The following GYS2 variants were observed in gnomAD, a reference collection of about 807,000 sequenced individuals.
GYS2 encodes glycogen [starch] synthase, liver.
A neutral mutation model predicts 85.6 loss-of-function variants in GYS2; 80 were observed. That is an observed-to-expected ratio of 0.93 (90% confidence interval 0.78 to 1.13). GYS2 has a LOEUF of 1.13. GYS2 is among the 50% of genes most tolerant of loss of function. The pLI, the probability that GYS2 is intolerant of heterozygous loss-of-function variation, is 0.00. For missense variants in GYS2, 881 were observed against 854.9 expected (o/e 1.03, Z -0.38); for synonymous variants, 328 against 300.7 (o/e 1.09, Z -0.94).
chr12:21,601,045 A>G (rs1944750747), intron 1 of GYS2, among the ~76,000 whole-genome samples: 1 of 152,162 alleles, frequency 6.6e-6, no homozygotes, highest in African/African-American at 2.4e-5. Flanking sequence ...ATTAACTTTC[A>G]TTATGTGTGA....
chr12:21,596,157 A>G (rs1009151685), intron 1 of GYS2, among the ~76,000 whole-genome samples: 5 of 152,114 alleles, frequency 3.3e-5, no homozygotes, highest in Admixed American at 3.3e-4. Context: ...TGGATTCACA[A>G]CAGAATTCTA....
chr12:21,602,877 G>A (rs1245493700), intron 1 of GYS2, among the ~76,000 whole-genome samples: 1 of 152,002 alleles, frequency 6.6e-6, no homozygotes. Context: ...AAAGCAGAAG[G>A]GGCTCTGCTC....
At chr12:21,600,286 C>A (rs1944741178) in intron 1 of GYS2, among the ~76,000 whole-genome samples, 3 of 152,008 alleles carry the variant, frequency 2.0e-5, no homozygotes, top group Admixed American at 2.0e-4. Flanking sequence ...CCATGGCCAG[C>A]TAGAGAAATT....
chr12:21,569,182 T>C (rs1347198211), intron 4 of GYS2, among the ~76,000 whole-genome samples, 173 bp from the exon 5 acceptor site: 1 of 152,198 alleles, frequency 6.6e-6, no homozygotes, highest in Non-Finnish European at 1.5e-5. Flanking sequence ...ACATAAGGAA[T>C]TACACTTTAA....
At chr12:21,538,641 T>A (rs546729105) in intron 15 of GYS2, among the ~76,000 whole-genome samples, 1 of 152,268 alleles carries the variant, frequency 6.6e-6, no homozygotes, top group African/African-American at 2.4e-5. Flanking sequence ...GATGTTTAGC[T>A]CTTGGATTGC....
At chr12:21,546,552 G>C (rs1944042602) in intron 11 of GYS2, 82 bp from the exon 12 acceptor site, 1 of 837,598 alleles carries the variant, frequency 1.2e-6, no homozygotes, top group Non-Finnish European at 1.9e-6. Flanking sequence ...GGTTATTTCA[G>C]TACTCTACTA....
Position 21,580,438 on chromosome 12 carries a change from A to T in GYS2, c.207T>A (p.Tyr69Ter), listed in dbSNP as rs774656122. ...CCTGAGTCTTCATATTATGCTCAAA[A>T]TATGGACCTATCAGAAAATAGTTCT... ...WGENYFLIGP[Y>*]FEHNMKTQVE... The change falls in exon 2 of 16, where the codon TAT (tyrosine) becomes TAA (stop). Residue 69 changes from tyrosine to a stop codon, truncating the protein, a stop_gained. Transcript: ENST00000261195. LOFTEE classifies it high-confidence loss of function. 1 of 1,613,626 alleles carries T rather than the reference A, an allele frequency of 6.2e-7. No homozygotes were observed. The highest frequency in any genetic ancestry group is 1.7e-5 in the Admixed American group (1 of 60,008).
At chr12:21,569,356 A>G (rs1944359447) in intron 4 of GYS2, among the ~76,000 whole-genome samples, 1 of 152,202 alleles carries the variant, frequency 6.6e-6, no homozygotes, top group African/African-American at 2.4e-5. Flanking sequence ...GCCTTTCTCC[A>G]AAGTCTTTTA....
At chr12:21,554,986 T>C (rs2045869) in intron 11 of GYS2, among the ~76,000 whole-genome samples, 86,445 of 151,768 alleles carry the variant, frequency 0.57, 25,935 homozygotes, top group East Asian at 0.74. Flanking sequence ...GACCCATCCC[T>C]CCTTTTCCCA....
At chr12:21,574,620 G>T (rs963594261) in intron 3 of GYS2, among the ~76,000 whole-genome samples, 1 of 151,648 alleles carries the variant, frequency 6.6e-6, no homozygotes, top group Non-Finnish European at 1.5e-5. Context: ...TAAATAAATG[G>T]AATAAATGCA....
At chr12:21,544,381 T>G (rs774681756) in intron 12 of GYS2, among the ~76,000 whole-genome samples, 18 of 152,214 alleles carry the variant, frequency 1.2e-4, no homozygotes, top group Non-Finnish European at 2.2e-4. Context: ...CTCTATCATT[T>G]TGGGTTGTTA....
At chr12:21,581,629 A>C (rs747466941) in intron 1 of GYS2, among the ~76,000 whole-genome samples, 38 of 152,204 alleles carry the variant, frequency 2.5e-4, no homozygotes, top group Non-Finnish European at 3.8e-4. Context: ...TCTCTCCTCT[A>C]ATATTGCTGC....
At chr12:21,543,635 G>A (rs1185097857) in intron 12 of GYS2, among the ~76,000 whole-genome samples, 3 of 151,908 alleles carry the variant, frequency 2.0e-5, no homozygotes, top group South Asian at 2.1e-4. Context: ...GTGCAGGTTC[G>A]TTACATAGGT....
chr12:21,583,518 C>T (rs1000511108), intron 1 of GYS2, among the ~76,000 whole-genome samples: 1 of 152,184 alleles, frequency 6.6e-6, no homozygotes, highest in Non-Finnish European at 1.5e-5. Context: ...AGCTGCTATG[C>T]CACTTGGGCC....
At chr12:21,586,678 T>C (rs1055989423) in intron 1 of GYS2, among the ~76,000 whole-genome samples, 2 of 152,084 alleles carry the variant, frequency 1.3e-5, no homozygotes, top group African/African-American at 4.8e-5. Context: ...AAACAGCAGA[T>C]GTTGGTGAGG....
At chr12:21,572,993 A>G (rs1776496738) in intron 4 of GYS2, among the ~76,000 whole-genome samples, 1 of 152,154 alleles carries the variant, frequency 6.6e-6, no homozygotes, top group South Asian at 2.1e-4. Flanking sequence ...ATATACCGCT[A>G]AGAACCTCCC....
chr12:21,587,477 A>G (rs778761205), intron 1 of GYS2, among the ~76,000 whole-genome samples: 2 of 152,072 alleles, frequency 1.3e-5, no homozygotes, highest in Non-Finnish European at 2.9e-5. Context: ...TTCTTACAAG[A>G]TCTGATGGTT....
In GYS2 at chr12:21,536,301, A is replaced by C. The variant is rs1943909879; in HGVS notation, c.*653T>G. On this transcript the variant is annotated 3_prime_UTR_variant, in exon 16 of 16. Transcript: ENST00000261195. Reference sequence around the variant, plus strand: ...TATTTAAACAATAGAAAAATGTTACAGTAAGATGGTGGTACCATGTACATG... The same window carrying C: ...TATTTAAACAATAGAAAAATGTTACCGTAAGATGGTGGTACCATGTACATG... 6.6e-6 allele frequency: 1 copy of C among 152,294 alleles called. No homozygotes were observed. 9.4% of individuals were successfully genotyped at this position (152,294 alleles called of 1,614,324 possible). A position where few individuals can be genotyped will look rare whatever the true frequency, so the allele number is the denominator to read the frequency against.
rs148617918 is a variant in GYS2 at position 21,540,547 on chromosome 12, G to A, written c.1672C>T (p.Arg558Cys). ...YGIYIVDRRF[R>C]SPDDSCNQLT... Reference sequence around the variant, plus strand: ...TGATTGCAAGAATCATCTGGAGAACGGAACCGCCTGTCAACGATGTAAATA... The same window carrying A: ...TGATTGCAAGAATCATCTGGAGAACAGAACCGCCTGTCAACGATGTAAATA... The change falls in exon 14 of 16, where the codon CGT (arginine) becomes TGT (cysteine). Residue 558 changes from arginine (R) to cysteine (C), a missense_variant. By Grantham distance (180) the Arg-to-Cys change is radical. Coordinates refer to ENST00000261195, the MANE Select transcript of GYS2 (RefSeq NM_021957.4). 1.3e-4 allele frequency: 206 copies of A among 1,613,976 alleles called. 1 individual carries two copies. Among genetic ancestry groups the A allele is most frequent in the African/African-American group, 2.1e-4 (16 of 75,026 alleles).
Sources: allele counts gnomAD v4.1 joint callset (sites outside exome capture counted in the v4.1 genomes callset), GRCh38; gene constraint gnomAD v4.1.1; transcripts MANE v1.5; gene names NCBI Gene and HGNC (gene_info 2026-07-23, HGNC 2026-07-21).